The following ADAMTS2 variants were observed in gnomAD, a reference collection of about 807,000 sequenced individuals.
ADAMTS2 encodes the protein A disintegrin and metalloproteinase with thrombospondin motifs 2.
ADAMTS2 carries 50 observed loss-of-function variants against 123.0 expected under a neutral mutation model. The ratio of observed to expected loss-of-function variants is 0.41; its 90% confidence interval spans 0.32 to 0.51. ADAMTS2 has a LOEUF of 0.51. Ranked by LOEUF, ADAMTS2 falls within the 20% of genes least tolerant of loss-of-function variation. ADAMTS2 has a pLI of 0.35. For missense variants in ADAMTS2, 1,494 were observed against 1,705.2 expected, an observed-to-expected ratio of 0.88 and a Z score of 2.18; for synonymous variants, 678 against 695.4, an observed-to-expected ratio of 0.98 and a Z score of 0.39.
At chr5:179,156,961 C>CTTTTTTTTTTTT (rs70997667) in intron 6 of ADAMTS2, among the ~76,000 whole-genome samples, 24 of 108,372 alleles carry the variant, frequency 2.2e-4, no homozygotes, top group African/African-American at 3.8e-4. Flanking sequence ...TTCATTTTTT[C>CTTTTTTTTTTTT]TTTTTTTTTT....
At chr5:179,190,496 C>T (rs543903040) in intron 4 of ADAMTS2, among the ~76,000 whole-genome samples, 1 of 152,154 alleles carries the variant, frequency 6.6e-6, no homozygotes. Flanking sequence ...ATTGGGAGGA[C>T]CCAGGACATC....
At chr5:179,193,223 C>T (rs1053876802) in intron 4 of ADAMTS2, among the ~76,000 whole-genome samples, 1 of 152,202 alleles carries the variant, frequency 6.6e-6, no homozygotes, top group African/African-American at 2.4e-5. Context: ...AAAGCTTGTC[C>T]AGGACGGGAG....
At chr5:179,195,110 G>T (rs1198238859) in intron 4 of ADAMTS2, among the ~76,000 whole-genome samples, 1 of 152,184 alleles carries the variant, frequency 6.6e-6, no homozygotes, top group Non-Finnish European at 1.5e-5. Flanking sequence ...ATGAACCAAG[G>T]TGTAATCACG....
rs573208780 is a variant in ADAMTS2, at chr5:179,126,278, G to C, written c.2618-148C>G. ...AGGGTGGGCAGGGCACCGAGCCTGC[G>C]GCTGGCTGGGGGGAGGCCTTGGTGT... On this transcript the variant is annotated intron_variant, in intron 17 of 21. Coordinates refer to ENST00000251582, the MANE Select transcript of ADAMTS2 (RefSeq NM_014244.5). 1.1e-5 allele frequency: 13 copies of C among 1,164,638 alleles called. No individual in the cohort carries two copies. The Admixed American group carries it at 1.3e-4, about 12-fold the overall frequency. The allele number at this position is 1,164,638 out of a possible 1,614,324, so 72.1% of individuals were successfully genotyped here.
intron 5 of ADAMTS2, among the ~76,000 whole-genome samples, chr5:179,165,709 G>A (rs1285947591): frequency 6.6e-6 from 1 of 152,174 alleles, no homozygotes; most frequent in African/African-American, 2.4e-5. Flanking sequence ...GGGGCTGCAT[G>A]GTAGCTGCAG....
intron 5 of ADAMTS2, among the ~76,000 whole-genome samples, chr5:179,171,514 G>A (rs1763813581): frequency 6.7e-6 from 1 of 150,182 alleles, no homozygotes; most frequent in South Asian, 2.1e-4. Flanking sequence ...CCCTCTCACA[G>A]CCCAGAACCC....
intron 11 of ADAMTS2, 55 bp downstream of exon 11, chr5:179,139,835 T>G: frequency 1.2e-6 from 2 of 1,606,722 alleles, no homozygotes; most frequent in Non-Finnish European, 1.7e-6. Flanking sequence ...GGAGAGGGTC[T>G]CCTGGACCCT....
At chr5:179,203,918 T>A (rs143373307) in intron 4 of ADAMTS2, among the ~76,000 whole-genome samples, 1 of 152,166 alleles carries the variant, frequency 6.6e-6, no homozygotes, top group Non-Finnish European at 1.5e-5. Flanking sequence ...GCAGCACTAT[T>A]CACAGTAGCC....
intron 2 of ADAMTS2, among the ~76,000 whole-genome samples, chr5:179,282,232 T>C (rs1766933832): frequency 6.6e-6 from 1 of 152,204 alleles, no homozygotes; most frequent in African/African-American, 2.4e-5. Context: ...GTAACAAAGA[T>C]TTACTCCTAC....
intron 2 of ADAMTS2, among the ~76,000 whole-genome samples, chr5:179,321,501 A>C (rs918472440): frequency 2.6e-5 from 4 of 151,620 alleles, no homozygotes; most frequent in African/African-American, 9.7e-5. Flanking sequence ...CCTCCTCTTG[A>C]ACCTCTCTCA....
chr5:179,208,810 T>C (rs1215612942), intron 3 of ADAMTS2, among the ~76,000 whole-genome samples: 2 of 151,680 alleles, frequency 1.3e-5, no homozygotes, highest in Non-Finnish European at 2.9e-5. Flanking sequence ...AGCCCCAGGG[T>C]CTCCATGGCA....
At chr5:179,214,575 G>A (rs567891390) in intron 3 of ADAMTS2, among the ~76,000 whole-genome samples, 159 of 146,412 alleles carry the variant, frequency 1.1e-3, no homozygotes, top group Admixed American at 3.6e-3. Context: ...GGAATAACCC[G>A]CAAGAAAGCA....
chr5:179,316,171 G>A (rs181207041), intron 2 of ADAMTS2, among the ~76,000 whole-genome samples: 45 of 152,332 alleles, frequency 3.0e-4, no homozygotes, highest in Non-Finnish European at 5.4e-4. Context: ...TGGGGCGTGG[G>A]CACCGGGCAG....
intron 2 of ADAMTS2, among the ~76,000 whole-genome samples, chr5:179,294,438 T>A (rs1269365438): frequency 6.6e-6 from 1 of 152,156 alleles, no homozygotes; most frequent in African/African-American, 2.4e-5. Flanking sequence ...CTGTCCAGGC[T>A]CCGAGGGCTG....
At chr5:179,122,858 C>T in intron 19 of ADAMTS2, 85 bp from the exon 20 acceptor site, 1 of 1,538,698 alleles carries the variant, frequency 6.5e-7, no homozygotes, top group South Asian at 1.2e-5. Context: ...AGTCCCCAGG[C>T]ACATGACCCA....
chr5:179,241,227 T>C (rs191206694), intron 3 of ADAMTS2, among the ~76,000 whole-genome samples: 36 of 152,324 alleles, frequency 2.4e-4, no homozygotes, highest in Non-Finnish European at 5.0e-4. Flanking sequence ...GAACAAAGCC[T>C]TGTCACTGTG....
intron 2 of ADAMTS2, among the ~76,000 whole-genome samples, chr5:179,297,505 C>T (rs567304208): frequency 2.0e-5 from 3 of 152,166 alleles, no homozygotes; most frequent in East Asian, 3.9e-4. Flanking sequence ...AGCCAGAAGG[C>T]CCTCCCCACA....
chr5:179,217,862 A>G (rs1479527698), intron 3 of ADAMTS2, among the ~76,000 whole-genome samples: 1 of 48,672 alleles, frequency 2.1e-5, no homozygotes, highest in East Asian at 3.1e-4. Context: ...TAGGTAGGGG[A>G]TGGCCTGAGG....
intron 5 of ADAMTS2, among the ~76,000 whole-genome samples, chr5:179,168,599 T>C (rs979755007): frequency 6.6e-6 from 1 of 152,220 alleles, no homozygotes; most frequent in African/African-American, 2.4e-5. Context: ...GCCTTTATGA[T>C]TGTCGTCATT....
Sources: gnomAD v4.1 joint callset for allele counts (sites outside exome capture counted in the v4.1 genomes callset) on GRCh38, gnomAD v4.1.1 for gene constraint, MANE v1.5 for transcripts, NCBI Gene and HGNC (gene_info 2026-07-23, HGNC 2026-07-21) for gene names.